The following PARD3 variants were observed in gnomAD, a reference collection of about 807,000 sequenced individuals.
PARD3 encodes partitioning defective 3 homolog.
A neutral mutation model predicts 155.4 loss-of-function variants in PARD3; 75 were observed. The observed-to-expected ratio is 0.48, with a 90% confidence interval of 0.40 to 0.58. The LOEUF is 0.58. Among genes scored for constraint, PARD3 ranks in the 20% least tolerant of loss-of-function variants. The pLI is 0.00. For missense variants in PARD3, 1,642 were observed against 1,721.7 expected, an observed-to-expected ratio of 0.95 and a Z score of 0.82; for synonymous variants, 576 against 610.5, an observed-to-expected ratio of 0.94 and a Z score of 0.83.
chr10:34,782,683 A>G (rs1481064972), intron 1 of PARD3, among the ~76,000 whole-genome samples: 2 of 152,100 alleles, frequency 1.3e-5, no homozygotes, highest in African/African-American at 4.8e-5. Context: ...CTTTATTCCA[A>G]GAAGGACTTA....
chr10:34,253,467 A>T lies in PARD3; in HGVS notation c.3419+16190T>A, dbSNP rs533797494. Among the ~76,000 whole-genome samples, 86 of 152,346 alleles carry T rather than the reference A, an allele frequency of 5.6e-4. 2 individuals carry two copies. In the South Asian group the frequency reaches 0.012, roughly 22 times the overall value. On this transcript the variant is annotated intron_variant, in intron 22 of 24. Transcript: ENST00000374788. Reference sequence around the variant, plus strand: ...GACCTACTCTGGAACTGATCCATACAGTCACAATCACCACCCACAGTGATG... The same window carrying T: ...GACCTACTCTGGAACTGATCCATACTGTCACAATCACCACCCACAGTGATG...
intron 3 of PARD3, among the ~76,000 whole-genome samples, chr10:34,495,219 T>C (rs1421045091): frequency 1.3e-5 from 2 of 149,174 alleles, no homozygotes; most frequent in East Asian, 3.9e-4. Flanking sequence ...AGCACAGTGG[T>C]CACTGTGTTC....
intron 3 of PARD3, among the ~76,000 whole-genome samples, chr10:34,506,455 C>T (rs1049483616): frequency 6.6e-6 from 1 of 152,130 alleles, no homozygotes; most frequent in Non-Finnish European, 1.5e-5. Context: ...CTCTCCTATA[C>T]AATATATTGA....
intron 22 of PARD3, among the ~76,000 whole-genome samples, chr10:34,247,462 A>G (rs539490908): frequency 5.3e-4 from 81 of 152,328 alleles, no homozygotes; most frequent in Admixed American, 5.2e-4. Flanking sequence ...AGATCACGCC[A>G]CTGCACTCCA....
chr10:34,676,421 T>G (rs1481459299), intron 2 of PARD3, among the ~76,000 whole-genome samples: 1 of 152,154 alleles, frequency 6.6e-6, no homozygotes, highest in Non-Finnish European at 1.5e-5. Context: ...TCCAGGAATT[T>G]TGTACAAGAA....
rs1318903491 is a variant in PARD3, at chr10:34,345,805, A to G, written c.2218+2160T>C. ...CGTCTTGAACAGGATTTCTAACTTT[A>G]AGTGGTAACTAATTTCACAAATTGC... On this transcript the variant is annotated intron_variant, in intron 15 of 24. Transcript: ENST00000374788. 3 of 985,234 alleles carry G rather than the reference A, an allele frequency of 3.0e-6. No homozygotes were observed. In the Admixed American group the frequency reaches 1.8e-4, roughly 61 times the overall value. The allele number at this position is 985,234 out of a possible 1,614,324, so 61.0% of individuals were successfully genotyped here.
At chr10:34,301,821 T>TTC (rs928260038) in intron 20 of PARD3, among the ~76,000 whole-genome samples, 1 of 122,190 alleles carries the variant, frequency 8.2e-6, no homozygotes, top group Non-Finnish European at 1.9e-5. Context: ...CTCCTTTCTT[T>TTC]TTTTTTTTTT....
At chr10:34,628,995 G>A (rs1001992286) in intron 2 of PARD3, among the ~76,000 whole-genome samples, 15 of 152,124 alleles carry the variant, frequency 9.9e-5, no homozygotes, top group Non-Finnish European at 2.1e-4. Context: ...TAAAAGAATA[G>A]GTCTTTAAGC....
At chr10:34,263,319 T>C (rs1489633469) in intron 22 of PARD3, among the ~76,000 whole-genome samples, 3 of 152,100 alleles carry the variant, frequency 2.0e-5, no homozygotes, top group Non-Finnish European at 4.4e-5. Context: ...CCCCATATTA[T>C]AGATGAGGAA....
intron 23 of PARD3, among the ~76,000 whole-genome samples, chr10:34,129,215 C>T (rs983073066): frequency 1.3e-5 from 2 of 152,088 alleles, no homozygotes; most frequent in African/African-American, 4.8e-5. Context: ...GGCAGTGGTG[C>T]AATCTTGGCT....
At chr10:34,752,728 T>C (rs1590953733) in intron 1 of PARD3, among the ~76,000 whole-genome samples, 1 of 152,340 alleles carries the variant, frequency 6.6e-6, no homozygotes. Context: ...TGCTATGACT[T>C]ATATCAGAAG....
rs185796189 is a variant in PARD3 at position 34,727,707 on chromosome 10, T to G, written c.121-31288A>C. ...CTCCATTCCCAATCACACACACTGT[T>G]GCCAGAATAACATTCCTCCAGCCCT... On this transcript the variant is annotated intron_variant, in intron 1 of 24. Transcript: ENST00000374788. Among the ~76,000 whole-genome samples, 84 of 152,224 alleles carry G rather than the reference T, an allele frequency of 5.5e-4. 1 individual carries two copies. Among genetic ancestry groups the G allele is most frequent in the Middle Eastern group, 6.8e-3 (2 of 294 alleles).
At position 34,129,878 on chromosome 10, in the gene PARD3, C is replaced by G. The variant is rs142683190; in HGVS notation, c.3540+1585G>C. Among the ~76,000 whole-genome samples the G allele has an allele frequency of 4.7e-3, 698 of 150,002 alleles. 4 individuals carry two copies. Among genetic ancestry groups the G allele is most frequent in the Middle Eastern group, 0.01 (3 of 288 alleles). On this transcript the variant is annotated intron_variant, in intron 23 of 24. Transcript: ENST00000374788. ...AGAGATGGGGTCTCCCTATGTTGCCCAAGCTGGTCTCAAACTCCTGGGCTC... is the reference window on the plus strand; with the variant it reads ...AGAGATGGGGTCTCCCTATGTTGCCGAAGCTGGTCTCAAACTCCTGGGCTC...
intron 19 of PARD3, among the ~76,000 whole-genome samples, chr10:34,324,314 T>C (rs1488767101): frequency 1.3e-5 from 2 of 152,198 alleles, no homozygotes; most frequent in South Asian, 2.1e-4. Context: ...AATTTCCTGA[T>C]GTTAAAAAAA....
At position 34,360,292 on chromosome 10, in the gene PARD3, A is replaced by T. The variant is rs754754046; in HGVS notation, c.1708-33T>A. ...GGAACAAAATTGCACAGCACATTAT[A>T]GTCCAATGTTTCTTTCTCAAAGTTA... On this transcript the variant is annotated intron_variant, in intron 12 of 24. Coordinates refer to ENST00000374788, the MANE Select transcript of PARD3 (RefSeq NM_001184785.2). 2.7e-6 allele frequency: 4 copies of T among 1,471,952 alleles called. No individual in the cohort carries two copies. The Admixed American group carries it at 6.9e-5, about 25-fold the overall frequency. 91.2% of individuals were successfully genotyped at this position (1,471,952 alleles called of 1,614,324 possible). A position where few individuals can be genotyped will look rare whatever the true frequency, so the allele number is the denominator to read the frequency against.
At chr10:34,309,547 CCAAAAAAA>C (rs1240183799) in intron 20 of PARD3, among the ~76,000 whole-genome samples, 7 of 46,624 alleles carry the variant, frequency 1.5e-4, no homozygotes, top group East Asian at 7.4e-4. Flanking sequence ...GACCCTGTCT[CCAAAAAAA>C]AAAAAAAAAA....
intron 14 of PARD3, among the ~76,000 whole-genome samples, chr10:34,353,736 T>A (rs1053156747): frequency 6.6e-6 from 1 of 150,474 alleles, no homozygotes; most frequent in Non-Finnish European, 1.5e-5. Context: ...AAAAAATAAA[T>A]AAATAAATAA....
At chr10:34,650,278 A>G (rs1325082433) in intron 2 of PARD3, among the ~76,000 whole-genome samples, 1 of 152,234 alleles carries the variant, frequency 6.6e-6, no homozygotes. Context: ...GCATCACCAA[A>G]GACACCTAAG....
intron 15 of PARD3, chr10:34,346,518 T>C: frequency 1.5e-6 from 2 of 1,313,928 alleles, no homozygotes; most frequent in Non-Finnish European, 2.0e-6. Flanking sequence ...ATGCACACTC[T>C]CTCTCTCTCA....
Sources: gnomAD v4.1 joint callset for allele counts (sites outside exome capture counted in the v4.1 genomes callset) on GRCh38, gnomAD v4.1.1 for gene constraint, MANE v1.5 for transcripts, NCBI Gene and HGNC (gene_info 2026-07-23, HGNC 2026-07-21) for gene names.